LAMA3: variants seen among roughly 807,000 people sequenced by gnomAD.
LAMA3 encodes the protein laminin subunit alpha-3.
In LAMA3, 281 loss-of-function variants were observed where a neutral mutation model predicts 402.0. The observed-to-expected ratio is 0.70, with a 90% confidence interval of 0.63 to 0.77. The LOEUF (loss-of-function observed/expected upper bound fraction) is 0.77. Ranked by LOEUF, LAMA3 falls within the 30% of genes least tolerant of loss-of-function variation. LAMA3 has a pLI of 0.00. For synonymous variants in LAMA3, 1,431 were observed against 1,558.4 expected, an observed-to-expected ratio of 0.92 and a Z score of 1.93; for missense variants, 3,840 against 4,215.5, an observed-to-expected ratio of 0.91 and a Z score of 2.47.
chr18:23,929,261 C>A (rs2082094331), intron 64 of LAMA3, among the ~76,000 whole-genome samples: 1 of 152,188 alleles, frequency 6.6e-6, no homozygotes, highest in Non-Finnish European at 1.5e-5. Context: ...TCCTCATGTA[C>A]AACAGAGCCA....
chr18:23,703,963 A>T (rs990747255), intron 1 of LAMA3, among the ~76,000 whole-genome samples: 2 of 152,238 alleles, frequency 1.3e-5, no homozygotes, highest in East Asian at 3.8e-4. Context: ...AGCAATTCCA[A>T]GTTAGGAAGG....
At chr18:23,708,028 CTAT>C (rs1335824364) in intron 1 of LAMA3, among the ~76,000 whole-genome samples, 1 of 152,058 alleles carries the variant, frequency 6.6e-6, no homozygotes, top group Non-Finnish European at 1.5e-5. Context: ...TTTTTTTCTA[CTAT>C]GAGAGTTTGA....
chr18:23,865,167 T>G (rs1326210395), intron 36 of LAMA3, among the ~76,000 whole-genome samples: 1 of 152,166 alleles, frequency 6.6e-6, no homozygotes, highest in Non-Finnish European at 1.5e-5. Context: ...TGAACTTTTT[T>G]TATCTTTGTA....
intron 30 of LAMA3, among the ~76,000 whole-genome samples, chr18:23,845,964 C>T (rs1232756365): frequency 1.3e-5 from 2 of 152,214 alleles, no homozygotes; most frequent in East Asian, 3.9e-4. Context: ...TTATTATACA[C>T]ATAGGTCGAC....
chr18:23,897,609 G>T (rs187749459), intron 44 of LAMA3, among the ~76,000 whole-genome samples: 5 of 152,270 alleles, frequency 3.3e-5, no homozygotes, highest in Non-Finnish European at 7.4e-5. Context: ...AATCATGGTG[G>T]TTCTGGAAGA....
At chr18:23,798,753 G>A (rs2062814146) in intron 12 of LAMA3, among the ~76,000 whole-genome samples, 1 of 152,228 alleles carries the variant, frequency 6.6e-6, no homozygotes, top group Non-Finnish European at 1.5e-5. Flanking sequence ...GAAGTGATAA[G>A]TACTGTGGAA....
intron 32 of LAMA3, 80 bp downstream of exon 32, chr18:23,847,748 T>C (rs1038141542): frequency 3.5e-6 from 5 of 1,419,078 alleles, no homozygotes; most frequent in Non-Finnish European, 4.8e-6. Flanking sequence ...CATCGTCACT[T>C]TCCACTTCCC....
chr18:23,892,215 C>G (rs1056933676), intron 42 of LAMA3, among the ~76,000 whole-genome samples: 7 of 152,172 alleles, frequency 4.6e-5, no homozygotes, highest in African/African-American at 1.7e-4. Context: ...CAACATCACG[C>G]ACAGCTTACT....
intron 11 of LAMA3, among the ~76,000 whole-genome samples, chr18:23,782,805 T>G (rs2143988928): frequency 6.6e-6 from 1 of 152,024 alleles, no homozygotes; most frequent in African/African-American, 2.4e-5. Context: ...CTTTTTTTTT[T>G]TTTTTTCATC....
intron 2 of LAMA3, among the ~76,000 whole-genome samples, chr18:23,744,780 C>T (rs930276893): frequency 4.7e-5 from 6 of 128,988 alleles, no homozygotes; most frequent in African/African-American, 1.6e-4. Flanking sequence ...TGCAGTGAGC[C>T]AAGATCGCAC....
rs114857709 is a variant in LAMA3, at chr18:23,822,239, C to A, written c.2305-13C>A. 1 of 1,613,526 alleles carries A rather than the reference C, an allele frequency of 6.2e-7. No homozygotes were observed. ...TTTTTTTCTATGCTTTATGGCGTTT[C>A]GGTATTTTTCAGAATGATGTAAGAA... On this transcript the variant is annotated splice_polypyrimidine_tract_variant and intron_variant, in intron 19 of 74. Coordinates refer to ENST00000313654, the MANE Select transcript of LAMA3 (RefSeq NM_198129.4).
At chr18:23,741,475 A>G (rs1297968771) in intron 2 of LAMA3, among the ~76,000 whole-genome samples, 1 of 151,594 alleles carries the variant, frequency 6.6e-6, no homozygotes, top group Non-Finnish European at 1.5e-5. Flanking sequence ...TTTAATCGCC[A>G]TCGTTTCTTC....
At chr18:23,900,080 T>TGC (rs146321618) in intron 47 of LAMA3, among the ~76,000 whole-genome samples, 2 of 151,614 alleles carry the variant, frequency 1.3e-5, no homozygotes, top group African/African-American at 4.8e-5. Flanking sequence ...CGTGTGTGTG[T>TGC]GTGTGTATGT....
rs139258946 is a variant in LAMA3 at position 23,876,370 on chromosome 18, A to G, written c.5075A>G (p.His1692Arg). The change falls in exon 39 of 75, where the codon CAT (histidine) becomes CGT (arginine). Residue 1692 changes from histidine to arginine, a missense_variant. Physicochemically the swap from His to Arg is conservative, Grantham distance 29. Coordinates refer to ENST00000313654, the MANE Select transcript of LAMA3 (RefSeq NM_198129.4). ...TGTGTTCCCTGCAATTGCAACGGACATTCAAATCAATGCCAGGATGGCTCA... is the reference window on the plus strand; with the variant it reads ...TGTGTTCCCTGCAATTGCAACGGACGTTCAAATCAATGCCAGGATGGCTCA... ...GRCVPCNCNG[H>R]SNQCQDGSGI... 1.2e-5 allele frequency: 20 copies of G among 1,613,716 alleles called. No homozygotes were observed. The highest frequency in any genetic ancestry group is 1.7e-5 in the Non-Finnish European group (20 of 1,179,652).
At chr18:23,840,630 C>T (rs942265297) in intron 27 of LAMA3, among the ~76,000 whole-genome samples, 37 of 151,844 alleles carry the variant, frequency 2.4e-4, no homozygotes, top group African/African-American at 8.7e-4. Flanking sequence ...TTTTTGTATC[C>T]CCCACTGCAC....
chr18:23,867,787 A>G (rs1598957170), intron 36 of LAMA3, 47 bp from the exon 37 acceptor site: 1 of 1,401,684 alleles, frequency 7.1e-7, no homozygotes, highest in East Asian at 2.3e-5. Context: ...TAAATCTTGA[A>G]AGATCCCAGT....
At chr18:23,891,453 G>A (rs770413145) in intron 42 of LAMA3, among the ~76,000 whole-genome samples, 1 of 152,056 alleles carries the variant, frequency 6.6e-6, no homozygotes, top group Non-Finnish European at 1.5e-5. Flanking sequence ...AGTTTTTTCC[G>A]GCATCTGCTG....
chr18:23,777,132 G>A lies in LAMA3; in HGVS notation c.1406-425G>A, dbSNP rs374722865. On this transcript the variant is annotated intron_variant, in intron 10 of 74. Coordinates refer to ENST00000313654, the MANE Select transcript of LAMA3 (RefSeq NM_198129.4). ...TGGGATTACAGGCATGAGCCACTGCGCTCGGCCTGCCTTTTTAGTGAAAAG... is the reference window on the plus strand; with the variant it reads ...TGGGATTACAGGCATGAGCCACTGCACTCGGCCTGCCTTTTTAGTGAAAAG... Among the ~76,000 whole-genome samples the A allele has an allele frequency of 1.1e-3, 169 of 152,034 alleles. 3 individuals carry two copies. In the South Asian group the frequency reaches 0.026, roughly 23 times the overall value.
chr18:23,740,956 CTTT>C (rs748348773), intron 2 of LAMA3, among the ~76,000 whole-genome samples: 1 of 141,732 alleles, frequency 7.1e-6, no homozygotes, highest in Admixed American at 7.1e-5. Flanking sequence ...ACCAAGCACA[CTTT>C]TTTTTTTTTT....
Sources: gnomAD v4.1 joint callset for allele counts (sites outside exome capture counted in the v4.1 genomes callset) on GRCh38, gnomAD v4.1.1 for gene constraint, MANE v1.5 for transcripts, NCBI Gene and HGNC (gene_info 2026-07-23, HGNC 2026-07-21) for gene names.